Variants in CCDC7 observed in about 807,000 individuals in gnomAD.
CCDC7 encodes coiled-coil domain containing 7, also known as coiled-coil domain-containing protein 7.
A neutral mutation model predicts 196.9 loss-of-function variants in CCDC7; 183 were observed. The ratio of observed to expected loss-of-function variants is 0.93; its 90% confidence interval spans 0.82 to 1.05. CCDC7 has a LOEUF of 1.05. Among genes scored for constraint, CCDC7 ranks in the 50% least tolerant of loss-of-function variants. The pLI, the probability that CCDC7 is intolerant of heterozygous loss-of-function variation, is 0.00. For synonymous variants in CCDC7, 525 were observed against 484.6 expected (o/e 1.08, Z -1.10); for missense variants, 1,540 against 1,482.2 (o/e 1.04, Z -0.64).
upstream of CCDC7, among the ~76,000 whole-genome samples, chr10:32,444,299 T>C (rs961423160): frequency 1.3e-5 from 2 of 152,248 alleles, no homozygotes; most frequent in Non-Finnish European, 2.9e-5. Flanking sequence ...AATAATCGAT[T>C]CATGTCACAG....
At chr10:32,451,902 T>A in exon 1 of CCDC7, 1 of 1,611,442 alleles carries the variant, frequency 6.2e-7, no homozygotes, top group Non-Finnish European at 8.5e-7. Flanking sequence ...ATCGGAAAAA[T>A]TATCAAACAT....
At chr10:32,499,134 T>G (rs1255219349) in intron 9 of CCDC7, 1 of 149,924 alleles carries the variant, frequency 6.7e-6, no homozygotes, top group Non-Finnish European at 1.5e-5. Flanking sequence ...TTTAATGAAC[T>G]CAGAAAAAAT....
At chr10:32,588,662 G>C (rs868205505) in intron 18 of CCDC7, among the ~76,000 whole-genome samples, 25 of 151,948 alleles carry the variant, frequency 1.6e-4, no homozygotes, top group Middle Eastern at 3.4e-3. Context: ...TGGTAATGTT[G>C]GTCTTATTTT....
chr10:32,449,440 C>T (rs1189518991), upstream of CCDC7, among the ~76,000 whole-genome samples: 2 of 152,234 alleles, frequency 1.3e-5, no homozygotes, highest in Non-Finnish European at 2.9e-5. Flanking sequence ...CCCGCCTCTG[C>T]CTCCCAAAGT....
intron 21 of CCDC7, among the ~76,000 whole-genome samples, chr10:32,671,629 T>G (rs1005908977): frequency 6.6e-6 from 1 of 152,188 alleles, no homozygotes; most frequent in Admixed American, 6.6e-5. Context: ...GTTTTGGTCA[T>G]GTCGTATCTT....
At chr10:32,501,766 G>A (rs1008314743) in intron 9 of CCDC7, among the ~76,000 whole-genome samples, 5 of 152,228 alleles carry the variant, frequency 3.3e-5, no homozygotes, top group African/African-American at 4.8e-5. Flanking sequence ...CCTGTATGAG[G>A]TGTCTATCGG....
intron 28 of CCDC7, among the ~76,000 whole-genome samples, chr10:32,772,602 G>A (rs185784083): frequency 1.9e-3 from 291 of 152,352 alleles, no homozygotes; most frequent in Non-Finnish European, 3.5e-3. Flanking sequence ...CTTTCAACCT[G>A]TGACCAACAC....
At chr10:32,789,959 G>A (rs1416449528) in intron 29 of CCDC7, among the ~76,000 whole-genome samples, 2 of 152,194 alleles carry the variant, frequency 1.3e-5, no homozygotes, top group Non-Finnish European at 2.9e-5. Flanking sequence ...CTTAAAACTA[G>A]AGAATACATT....
intron 29 of CCDC7, among the ~76,000 whole-genome samples, chr10:32,785,231 C>A (rs2134431873): frequency 6.6e-6 from 1 of 152,282 alleles, no homozygotes; most frequent in East Asian, 1.9e-4. Context: ...AAATTGACTA[C>A]ATATTAGGCC....
chr10:32,816,363 C>T (rs1043744114), intron 31 of CCDC7, among the ~76,000 whole-genome samples: 38 of 152,276 alleles, frequency 2.5e-4, no homozygotes, highest in African/African-American at 7.9e-4. Flanking sequence ...TGGAGCCCAC[C>T]GCAGCTCAAG....
intron 41 of CCDC7, among the ~76,000 whole-genome samples, chr10:32,873,052 T>C (rs536239756): frequency 1.3e-5 from 2 of 152,230 alleles, no homozygotes; most frequent in South Asian, 4.1e-4. Flanking sequence ...CTTTTTGGCT[T>C]TCTCTGTATT....
chr10:32,459,645 C>CTTTTTT (rs2035162956), intron 3 of CCDC7, among the ~76,000 whole-genome samples: 5 of 40,784 alleles, frequency 1.2e-4, no homozygotes, highest in African/African-American at 3.1e-4. Flanking sequence ...CCCTGCTGCA[C>CTTTTTT]ATTTTTTTTT....
At chr10:32,790,576 C>T (rs890821006) in intron 29 of CCDC7, among the ~76,000 whole-genome samples, 4 of 152,174 alleles carry the variant, frequency 2.6e-5, no homozygotes, top group Admixed American at 6.5e-5. Flanking sequence ...TCTGGGTTAC[C>T]TCCTCTCTCA....
chr10:32,822,736 G>A (rs746979950), intron 31 of CCDC7, among the ~76,000 whole-genome samples: 7 of 152,070 alleles, frequency 4.6e-5, no homozygotes, highest in Non-Finnish European at 8.8e-5. Flanking sequence ...TCTGTAATAA[G>A]CATTGAATTG....
chr10:32,750,075 C>G (rs2075419734), intron 28 of CCDC7, among the ~76,000 whole-genome samples: 2 of 152,068 alleles, frequency 1.3e-5, no homozygotes, highest in Admixed American at 6.5e-5. Flanking sequence ...GTGGTTCAAC[C>G]TAATAGTTTT....
At chr10:32,684,321 T>G (rs893913880) in intron 21 of CCDC7, among the ~76,000 whole-genome samples, 23 of 152,162 alleles carry the variant, frequency 1.5e-4, no homozygotes, top group African/African-American at 4.6e-4. Flanking sequence ...TGGGCCTGAA[T>G]AGCGGCTCTG....
intron 18 of CCDC7, among the ~76,000 whole-genome samples, chr10:32,618,793 T>A (rs2063061536): frequency 6.6e-6 from 1 of 152,092 alleles, no homozygotes; most frequent in South Asian, 2.1e-4. Context: ...TGTATTTGCC[T>A]TGGGATAGGA....
intron 32 of CCDC7, among the ~76,000 whole-genome samples, chr10:32,830,418 A>G (rs917587031): frequency 1.3e-5 from 2 of 151,808 alleles, no homozygotes; most frequent in African/African-American, 4.8e-5. Flanking sequence ...TGTCCCATAC[A>G]TAGGAAAAAA....
chr10:32,801,163 G>A (rs2084706417), intron 29 of CCDC7, among the ~76,000 whole-genome samples: 1 of 152,196 alleles, frequency 6.6e-6, no homozygotes, highest in African/African-American at 2.4e-5. Flanking sequence ...GCTCTTCAAG[G>A]ATGCAGGTGC....
Sources: allele counts gnomAD v4.1 joint callset (sites outside exome capture counted in the v4.1 genomes callset), GRCh38; gene constraint gnomAD v4.1.1; transcripts MANE v1.5; gene names NCBI Gene and HGNC (gene_info 2026-07-23, HGNC 2026-07-21).